Variants in RAP1A observed in about 807,000 individuals in gnomAD.
The protein encoded by RAP1A is RAP1A, member of RAS oncogene family, also known as ras-related protein Rap-1A.
A neutral mutation model predicts 26.4 loss-of-function variants in RAP1A; 6 were observed. That is an observed-to-expected ratio of 0.23 (90% CI 0.12 to 0.45). The LOEUF (loss-of-function observed/expected upper bound fraction) is 0.45, where lower values mean the gene tolerates loss of function less well. Ranked by LOEUF, RAP1A falls within the 20% of genes least tolerant of loss-of-function variation. RAP1A has a pLI of 0.99. For missense variants in RAP1A, 121 were observed against 217.2 expected (o/e 0.56, Z 2.78); for synonymous variants, 73 against 79.4 (o/e 0.92, Z 0.43).
chr1:111,570,840 T>A (rs1658035032), intron 1 of RAP1A, among the ~76,000 whole-genome samples: 1 of 152,166 alleles, frequency 6.6e-6, no homozygotes, highest in South Asian at 2.1e-4. Flanking sequence ...ACCAAGCCAT[T>A]CATGAGGGAG....
chr1:111,699,725 C>T (rs1273307769), intron 4 of RAP1A, among the ~76,000 whole-genome samples: 2 of 151,936 alleles, frequency 1.3e-5, no homozygotes, highest in African/African-American at 2.4e-5. Flanking sequence ...TCTTTGGCCT[C>T]CCAAAGTGCT....
In RAP1A at chr1:111,712,880, C is replaced by G. The variant is rs1263340888; in HGVS notation, c.*479C>G. ...GATAACTTTTTTGAGTCATTGACTTCATTTTATATTTAAAAAATTATGGAA... is the reference window on the plus strand; with the variant it reads ...GATAACTTTTTTGAGTCATTGACTTGATTTTATATTTAAAAAATTATGGAA... On this transcript the variant is annotated 3_prime_UTR_variant, in exon 8 of 8. Transcript: ENST00000369709. The G allele has an allele frequency of 1.3e-5, 2 of 152,318 alleles. No individual in the cohort carries two copies. The highest frequency in any genetic ancestry group is 2.9e-5 in the Non-Finnish European group (2 of 67,908). The allele number at this position is 152,318 out of a possible 1,614,324, so 9.4% of individuals were successfully genotyped here.
At chr1:111,707,311 T>G (rs1662225464) in intron 6 of RAP1A, among the ~76,000 whole-genome samples, 1 of 152,200 alleles carries the variant, frequency 6.6e-6, no homozygotes, top group Admixed American at 6.5e-5. Context: ...ATACAATTAT[T>G]TGCCATCTAT....
At position 111,699,479 on chromosome 1, in the gene RAP1A, T is replaced by TTTTTTTTTTG. The variant is rs374442188; in HGVS notation, c.183+1982_183+1983insTTTTTTTTTG. Among the ~76,000 whole-genome samples, 78 of 139,094 alleles carry TTTTTTTTTTG rather than the reference T, an allele frequency of 5.6e-4. 2 individuals are homozygous for TTTTTTTTTTG. Among genetic ancestry groups the TTTTTTTTTTG allele is most frequent in the Non-Finnish European group, 7.5e-4 (48 of 63,578 alleles). 91.3% of individuals were successfully genotyped at this position (139,094 alleles called of 152,430 possible). A position where few individuals can be genotyped will look rare whatever the true frequency, so the allele number is the denominator to read the frequency against. ...TCACTTCCTCTTTTTTTTTTTTTTT[T>TTTTTTTTTTG]GAAACAGGGTCTCTCTCTGTCACCC... On this transcript the variant is annotated intron_variant, in intron 4 of 7. Transcript: ENST00000369709.
At chr1:111,671,317 A>G (rs959490422) in intron 1 of RAP1A, among the ~76,000 whole-genome samples, 18 of 152,152 alleles carry the variant, frequency 1.2e-4, no homozygotes, top group Admixed American at 8.5e-4. Flanking sequence ...CCATATCTAG[A>G]TATGTTTTTA....
chr1:111,709,594 C>T (rs770776786), intron 7 of RAP1A, among the ~76,000 whole-genome samples: 2 of 152,064 alleles, frequency 1.3e-5, no homozygotes, highest in Non-Finnish European at 2.9e-5. Flanking sequence ...TGAAGTGAAA[C>T]AGTAGTTGCT....
At chr1:111,674,921 T>C (rs1417921925) in intron 1 of RAP1A, among the ~76,000 whole-genome samples, 2 of 152,180 alleles carry the variant, frequency 1.3e-5, no homozygotes, top group Non-Finnish European at 2.9e-5. Flanking sequence ...TTGCATACTG[T>C]CAGTTGTTTT....
At chr1:111,614,601 A>G (rs1007469940) in intron 1 of RAP1A, among the ~76,000 whole-genome samples, 2 of 152,246 alleles carry the variant, frequency 1.3e-5, no homozygotes, top group African/African-American at 4.8e-5. Context: ...CAATAATAAC[A>G]TGAAAAGAAA....
intron 1 of RAP1A, among the ~76,000 whole-genome samples, chr1:111,630,499 C>CA (rs1163242590): frequency 3.9e-5 from 6 of 152,110 alleles, no homozygotes; most frequent in African/African-American, 1.4e-4. Flanking sequence ...AGTAGAGAGA[C>CA]ACAGTAGAAA....
At chr1:111,608,680 C>T (rs1014094846) in intron 1 of RAP1A, 1 of 165,502 alleles carries the variant, frequency 6.0e-6, no homozygotes, top group Admixed American at 6.5e-5. Flanking sequence ...TGGCGGATCA[C>T]TCGCGGCTAG....
chr1:111,672,206 C>T (rs1036699335), intron 1 of RAP1A, among the ~76,000 whole-genome samples: 3 of 151,938 alleles, frequency 2.0e-5, no homozygotes, highest in Non-Finnish European at 4.4e-5. Flanking sequence ...TTCATGATTC[C>T]CATTCTGTCA....
chr1:111,553,514 G>A (rs764015847), intron 1 of RAP1A, among the ~76,000 whole-genome samples: 12 of 152,216 alleles, frequency 7.9e-5, no homozygotes, highest in Middle Eastern at 3.4e-3. Flanking sequence ...AAAATCTCCA[G>A]TGTTTCAGCT....
intron 1 of RAP1A, among the ~76,000 whole-genome samples, chr1:111,667,016 G>A (rs1025184747): frequency 2.0e-5 from 3 of 152,148 alleles, no homozygotes; most frequent in African/African-American, 7.2e-5. Flanking sequence ...TACCCTATGA[G>A]CAAAAGGAAA....
chr1:111,690,323 C>CT lies in RAP1A; in HGVS notation c.-27-1010dup, dbSNP rs1661629784. Among the ~76,000 whole-genome samples the CT allele has an allele frequency of 2.6e-5, 4 of 152,210 alleles. No homozygotes were observed. The South Asian group carries it at 8.3e-4, about 31-fold the overall frequency. On this transcript the variant is annotated intron_variant, in intron 1 of 7. Coordinates refer to ENST00000369709, the MANE Select transcript of RAP1A (RefSeq NM_002884.4). ...TGGGAATTGTTCCACCTGTAAATCT[C>CT]TATTTATTCTTTGCCTTACCTTTTG...
chr1:111,583,801 TA>T (rs1258164354), intron 1 of RAP1A, among the ~76,000 whole-genome samples: 1 of 151,288 alleles, frequency 6.6e-6, no homozygotes, highest in Admixed American at 6.6e-5. Context: ...AGAGTAATAG[TA>T]ACACTAGGAA....
At chr1:111,601,530 G>A (rs1362471608) in intron 1 of RAP1A, among the ~76,000 whole-genome samples, 4 of 152,170 alleles carry the variant, frequency 2.6e-5, no homozygotes, top group Admixed American at 2.6e-4. Flanking sequence ...GTGGCTGAAG[G>A]TTGCTATTAC....
At chr1:111,635,373 C>G (rs922942293) in intron 1 of RAP1A, among the ~76,000 whole-genome samples, 3 of 152,186 alleles carry the variant, frequency 2.0e-5, no homozygotes, top group African/African-American at 7.2e-5. Flanking sequence ...GGTCAGCAGG[C>G]AAAACACTTT....
At chr1:111,707,701 T>TGTTTTTATTCCAAATCATTA (rs1553229202) in intron 6 of RAP1A, among the ~76,000 whole-genome samples, 1 of 152,248 alleles carries the variant, frequency 6.6e-6, no homozygotes, top group African/African-American at 2.4e-5. Context: ...CTGTGATATT[T>TGTTTTTATTCCAAATCATTA]GTTTTTATTC....
intron 1 of RAP1A, chr1:111,648,467 A>G: frequency 1.8e-6 from 1 of 549,580 alleles, no homozygotes; most frequent in Admixed American, 2.4e-5. Context: ...CTCTAGTTTG[A>G]CCTTGATATT....
Sources: gnomAD v4.1 joint callset for allele counts (sites outside exome capture counted in the v4.1 genomes callset) on GRCh38, gnomAD v4.1.1 for gene constraint, MANE v1.5 for transcripts, NCBI Gene and HGNC (gene_info 2026-07-23, HGNC 2026-07-21) for gene names.